The following BIRC6 variants were observed in gnomAD, a reference collection of about 807,000 sequenced individuals.
BIRC6 encodes the protein dual E2 ubiquitin-conjugating enzyme/E3 ubiquitin-protein ligase BIRC6.
Under a neutral mutation model 503.3 loss-of-function variants are expected in BIRC6, and 98 were observed. That is an observed-to-expected ratio of 0.19 (90% CI 0.17 to 0.23). The LOEUF (loss-of-function observed/expected upper bound fraction) is 0.23. Among genes scored for constraint, BIRC6 ranks in the 10% least tolerant of loss-of-function variants. The pLI is 1.00. For synonymous variants in BIRC6, 2,240 were observed against 2,078.7 expected (o/e 1.08, Z -2.11); for missense variants, 5,360 against 5,806.0 (o/e 0.92, Z 2.50).
At chr2:32,584,534 AAAAT>A (rs901965013) in intron 66 of BIRC6, among the ~76,000 whole-genome samples, 2 of 152,314 alleles carry the variant, frequency 1.3e-5, no homozygotes, top group Admixed American at 1.3e-4. Context: ...CTCCGTCTCA[AAAAT>A]AAATAAATAA....
chr2:32,531,191 G>A (rs1279722877), intron 60 of BIRC6, among the ~76,000 whole-genome samples, 164 bp from the exon 61 acceptor site: 1 of 152,146 alleles, frequency 6.6e-6, no homozygotes, highest in Admixed American at 6.5e-5. Context: ...TCATTTAAAG[G>A]TCATTGTACC....
Position 32,525,518 on chromosome 2 carries a change from C to A in BIRC6, c.11810C>A (p.Ser3937Tyr). The change falls in exon 59 of 74, where the codon TCC (serine) becomes TAC (tyrosine). Residue 3937 changes from serine to tyrosine, a missense_variant. Ser to Tyr is a moderately radical substitution (Grantham distance 144). Around this residue, in one of 16 missense-constraint regions of BIRC6, gnomAD observed 878 missense variants for 928.9 expected, o/e 0.95. Transcript: ENST00000421745. Reference protein sequence around the residue: ...AVSATPPRPPSRRGRTIPDKI... With the variant: ...AVSATPPRPPYRRGRTIPDKI... ...TCAGCTACACCACCTCGCCCACCATCCAGGAGGGGGAGGACAATACCTGAT... is the reference window on the plus strand; with the variant it reads ...TCAGCTACACCACCTCGCCCACCATACAGGAGGGGGAGGACAATACCTGAT... The A allele has an allele frequency of 6.2e-7, 1 of 1,613,956 alleles. No individual in the cohort carries two copies. The highest frequency in any genetic ancestry group is 1.1e-5 in the South Asian group (1 of 91,078).
chr2:32,432,585 C>G (rs938224700), intron 12 of BIRC6, among the ~76,000 whole-genome samples: 1 of 151,494 alleles, frequency 6.6e-6, no homozygotes, highest in African/African-American at 2.4e-5. Context: ...AGGGAGACCT[C>G]GTCTCTATAA....
chr2:32,437,003 C>G (rs1173367212), intron 15 of BIRC6, among the ~76,000 whole-genome samples: 1 of 150,590 alleles, frequency 6.6e-6, no homozygotes, highest in African/African-American at 2.4e-5. Context: ...GTTCTCGTGC[C>G]TTAGCCTTCT....
intron 31 of BIRC6, 26 bp downstream of exon 31, chr2:32,470,327 A>G: frequency 6.6e-7 from 1 of 1,508,626 alleles, no homozygotes; most frequent in East Asian, 2.4e-5. Flanking sequence ...AGTGTTCTTT[A>G]GTAAAAACAA....
chr2:32,595,186 T>G lies in BIRC6; in HGVS notation c.13612+42T>G, dbSNP rs1264654131. On this transcript the variant is annotated intron_variant, in intron 68 of 73. Transcript: ENST00000421745. ...GATTTGCTTAAGATCTCACTTTCCA[T>G]TTTTTTTTAACAGTGCTATTGAAAT... The G allele has an allele frequency of 2.7e-6, 3 of 1,124,076 alleles. No individual in the cohort carries two copies. In the African/African-American group the frequency reaches 4.8e-5, roughly 18 times the overall value. 69.6% of individuals were successfully genotyped at this position (1,124,076 alleles called of 1,614,324 possible). A position where few individuals can be genotyped will look rare whatever the true frequency, so the allele number is the denominator to read the frequency against.
At chr2:32,383,054 T>A (rs1411933187) in intron 3 of BIRC6, among the ~76,000 whole-genome samples, 3 of 150,806 alleles carry the variant, frequency 2.0e-5, no homozygotes, top group African/African-American at 7.3e-5. Context: ...TTTAATTTAA[T>A]TTTTTTTTCT....
At chr2:32,486,825 A>G (rs1390098490) in intron 40 of BIRC6, among the ~76,000 whole-genome samples, 1 of 152,226 alleles carries the variant, frequency 6.6e-6, no homozygotes, top group Non-Finnish European at 1.5e-5. Context: ...CTATAATCTC[A>G]GTATTGGTAC....
At position 32,514,154 on chromosome 2, in the gene BIRC6, C is replaced by G. The variant is rs530617487; in HGVS notation, c.10569-836C>G. ...TGGCTAAAATAGAGAGACCAAATCTCTACAAAAAAATTAAAAATTAGCCAG... is the reference window on the plus strand; with the variant it reads ...TGGCTAAAATAGAGAGACCAAATCTGTACAAAAAAATTAAAAATTAGCCAG... On this transcript the variant is annotated intron_variant, in intron 54 of 73. Transcript: ENST00000421745. Among the ~76,000 whole-genome samples the G allele has an allele frequency of 3.3e-5, 5 of 152,162 alleles. No homozygotes were observed. The East Asian group carries it at 9.7e-4, about 29-fold the overall frequency.
At chr2:32,448,771 TTA>T in intron 21 of BIRC6, 22 bp from the exon 22 acceptor site, 2 of 1,584,422 alleles carry the variant, frequency 1.3e-6, no homozygotes, top group Non-Finnish European at 1.7e-6. Context: ...AGGAAAATTG[TTA>T]GTGCATTATT....
At position 32,488,734 on chromosome 2, in the gene BIRC6, A is replaced by G. The variant is rs778095314; in HGVS notation, c.8095+20A>G. ...ATCAAGGTAAGATTTATTAGGAGAA[A>G]AACATTATAGTCTAAATAGCAAGCT... On this transcript the variant is annotated intron_variant, in intron 42 of 73. Coordinates refer to ENST00000421745, the MANE Select transcript of BIRC6 (RefSeq NM_016252.4). 2.2e-6 allele frequency: 3 copies of G among 1,347,382 alleles called. No homozygotes were observed. Among genetic ancestry groups the G allele is most frequent in the East Asian group, 5.1e-5 (2 of 39,142 alleles). The allele number at this position is 1,347,382 out of a possible 1,614,324, so 83.5% of individuals were successfully genotyped here.
chr2:32,419,534 T>C (rs2042724313), intron 10 of BIRC6, among the ~76,000 whole-genome samples: 2 of 152,104 alleles, frequency 1.3e-5, no homozygotes, highest in Non-Finnish European at 2.9e-5. Context: ...TGCAAATACA[T>C]TTAAAATCAA....
intron 9 of BIRC6, among the ~76,000 whole-genome samples, chr2:32,410,791 C>T (rs1379026104): frequency 6.6e-6 from 1 of 151,770 alleles, no homozygotes; most frequent in East Asian, 1.9e-4. Context: ...AGCTCCGCCT[C>T]CCGGGTTCAC....
Position 32,470,179 on chromosome 2 carries a change from T to C in BIRC6, c.6359T>C (p.Leu2120Ser). ...TGTTTTGTTTTTAGGGTCTTCATGT[T>C]ACTTTCCTGCATTGGTCAAAGATCA... The part of the protein sequence containing the change: ...LIFPQDRVFM[L>S]LSCIGQRSLS... Residue 2120 changes from leucine (L) to serine (S), a missense_variant, in exon 31 of 74, where the codon TTA becomes TCA. Leu to Ser is a moderately radical substitution (Grantham distance 145). Coordinates refer to ENST00000421745, the MANE Select transcript of BIRC6 (RefSeq NM_016252.4). 1 of 1,545,908 alleles carries C rather than the reference T, an allele frequency of 6.5e-7. No homozygotes were observed. The highest frequency in any genetic ancestry group is 8.7e-7 in the Non-Finnish European group (1 of 1,148,130).
At chr2:32,588,471 G>A (rs1406258417) in intron 66 of BIRC6, among the ~76,000 whole-genome samples, 3 of 152,062 alleles carry the variant, frequency 2.0e-5, no homozygotes, top group South Asian at 4.1e-4. Flanking sequence ...GCAATGTCTT[G>A]GTGATAAAAT....
intron 9 of BIRC6, among the ~76,000 whole-genome samples, chr2:32,407,002 T>C (rs2041295420): frequency 6.6e-6 from 1 of 152,232 alleles, no homozygotes; most frequent in African/African-American, 2.4e-5. Context: ...ATATACTTCG[T>C]ATTTTAATGT....
chr2:32,512,529 T>TA (rs34700690), intron 53 of BIRC6, among the ~76,000 whole-genome samples: 1 of 151,948 alleles, frequency 6.6e-6, no homozygotes, highest in Non-Finnish European at 1.5e-5. Context: ...AAATTATACT[T>TA]AAAAAAAATA....
In BIRC6 at chr2:32,523,647, A is replaced by G. The variant is rs1034406967; in HGVS notation, c.11624-1241A>G. ...TTGTATAAATTGAAATCACTTTCAT[A>G]TACTAAAAACTGTAAAATGAGAGTT... On this transcript the variant is annotated intron_variant, in intron 57 of 73. Coordinates refer to ENST00000421745, the MANE Select transcript of BIRC6 (RefSeq NM_016252.4). The G allele has an allele frequency of 6.6e-5, 10 of 152,382 alleles. No individual in the cohort carries two copies. The South Asian group carries it at 1.4e-3, about 22-fold the overall frequency. The allele number at this position is 152,382 out of a possible 1,614,324, so 9.4% of individuals were successfully genotyped here. A position where few individuals can be genotyped will look rare whatever the true frequency, so the allele number is the denominator to read the frequency against.
At chr2:32,547,579 C>A (rs542613509) in intron 63 of BIRC6, among the ~76,000 whole-genome samples, 2 of 152,248 alleles carry the variant, frequency 1.3e-5, no homozygotes, top group African/African-American at 4.8e-5. Context: ...GTTTGTTGAT[C>A]CATTCATCGG....
Sources: gnomAD v4.1 joint callset for allele counts (sites outside exome capture counted in the v4.1 genomes callset) on GRCh38, gnomAD v4.1.1 for gene constraint, gnomAD v4.1.1 regional missense constraint, MANE v1.5 for transcripts, NCBI Gene and HGNC (gene_info 2026-07-23, HGNC 2026-07-21) for gene names.